Variants in IMMP2L observed in about 807,000 individuals in gnomAD.
IMMP2L encodes inner mitochondrial membrane peptidase subunit 2, also known as mitochondrial inner membrane protease subunit 2.
Under a neutral mutation model 19.3 loss-of-function variants are expected in IMMP2L, and 18 were observed. That is an observed-to-expected ratio of 0.93 (90% CI 0.64 to 1.38). IMMP2L has a LOEUF of 1.38. Ranked by LOEUF, IMMP2L falls within the 40% of genes most tolerant of loss-of-function variation. The pLI is 0.00. For missense variants in IMMP2L, 233 were observed against 218.2 expected, an observed-to-expected ratio of 1.07 and a Z score of -0.43; for synonymous variants, 76 against 73.0, an observed-to-expected ratio of 1.04 and a Z score of -0.21.
intron 3 of IMMP2L, among the ~76,000 whole-genome samples, chr7:110,981,612 A>G (rs550531011): frequency 6.6e-6 from 1 of 152,268 alleles, no homozygotes; most frequent in East Asian, 1.9e-4. Flanking sequence ...TGAGAGTTGA[A>G]GTGACTCCTT....
chr7:110,814,274 T>G (rs1291853008), intron 5 of IMMP2L, among the ~76,000 whole-genome samples: 2 of 151,918 alleles, frequency 1.3e-5, no homozygotes, highest in African/African-American at 4.8e-5. Flanking sequence ...CATTTTAAGG[T>G]AGCAAAATCA....
At chr7:110,901,342 G>A (rs1191820226) in intron 4 of IMMP2L, among the ~76,000 whole-genome samples, 3 of 152,098 alleles carry the variant, frequency 2.0e-5, no homozygotes, top group Non-Finnish European at 4.4e-5. Context: ...CATTGAATGA[G>A]TATGGATTCT....
intron 3 of IMMP2L, among the ~76,000 whole-genome samples, chr7:111,168,887 C>T (rs932468453): frequency 2.0e-5 from 3 of 151,732 alleles, no homozygotes; most frequent in Non-Finnish European, 4.4e-5. Context: ...GAAAGTACTA[C>T]AAACCGGGTG....
intron 2 of IMMP2L, among the ~76,000 whole-genome samples, chr7:111,499,849 C>G (rs760885801): frequency 6.6e-6 from 1 of 152,126 alleles, no homozygotes; most frequent in African/African-American, 2.4e-5. Flanking sequence ...CAAATAGGAA[C>G]AGCTCTGGTC....
chr7:111,196,804 C>T (rs1010788476), intron 3 of IMMP2L, among the ~76,000 whole-genome samples: 68 of 152,206 alleles, frequency 4.5e-4, no homozygotes, highest in African/African-American at 1.6e-3. Context: ...AAGATCTTTA[C>T]GTAAACGCTC....
In IMMP2L at chr7:111,495,964, C is replaced by G. The variant is rs1345319757; in HGVS notation, c.136-8623G>C. The stretch of plus-strand genomic sequence containing the variant: ...TGCAGCCACAAGGACCCAACAGTAG[C>G]CCTCAGACTTCTTTTGAAGAACCAT... On this transcript the variant is annotated intron_variant, in intron 2 of 5. Transcript: ENST00000405709. 5.3e-5 allele frequency among the ~76,000 whole-genome samples: 8 copies of G among 152,098 alleles called. No individual in the cohort carries two copies. In the East Asian group the frequency reaches 1.5e-3, roughly 29 times the overall value.
At chr7:111,199,796 C>T (rs1809910927) in intron 3 of IMMP2L, among the ~76,000 whole-genome samples, 1 of 152,086 alleles carries the variant, frequency 6.6e-6, no homozygotes, top group South Asian at 2.1e-4. Context: ...AACCTCATTT[C>T]AGTAGATGTC....
chr7:111,275,315 A>G (rs1818903665), intron 3 of IMMP2L, among the ~76,000 whole-genome samples: 1 of 152,202 alleles, frequency 6.6e-6, no homozygotes, highest in African/African-American at 2.4e-5. Context: ...TTCTACCAAC[A>G]AACTCAAATA....
intron 3 of IMMP2L, among the ~76,000 whole-genome samples, chr7:111,087,814 C>T (rs1286954645): frequency 6.6e-6 from 1 of 152,040 alleles, no homozygotes; most frequent in African/African-American, 2.4e-5. Context: ...AAACAATGAC[C>T]ATGATAACAA....
intron 5 of IMMP2L, among the ~76,000 whole-genome samples, chr7:110,718,402 A>G (rs1795361121): frequency 6.6e-6 from 1 of 152,212 alleles, no homozygotes; most frequent in Admixed American, 6.5e-5. Flanking sequence ...GAAAAGAGCT[A>G]CTGCTATCCA....
chr7:111,002,590 GGGATAT>G (rs1823828065), intron 3 of IMMP2L, among the ~76,000 whole-genome samples: 1 of 152,050 alleles, frequency 6.6e-6, no homozygotes, highest in Non-Finnish European at 1.5e-5. Context: ...GTTATGGGAT[GGGATAT>G]GAAGAGACTA....
In IMMP2L at chr7:110,727,812, C is replaced by T. The variant is rs1012602400; in HGVS notation, c.409-64091G>A. On this transcript the variant is annotated intron_variant, in intron 5 of 5. Coordinates refer to ENST00000405709, the MANE Select transcript of IMMP2L (RefSeq NM_032549.4). This position sits in a 1 kb window ranked among gnomAD's most constrained non-coding sequence, Gnocchi z 4.3. ...GGACTTACCTGAACTTATATCAAGG[C>T]GTAAGAAAAGAATTGCTTCACCGAG... 9.9e-5 allele frequency among the ~76,000 whole-genome samples: 15 copies of T among 152,076 alleles called. No individual in the cohort carries two copies. Among genetic ancestry groups the T allele is most frequent in the Admixed American group, 3.3e-4 (5 of 15,266 alleles).
At chr7:111,223,961 A>G (rs1405554432) in intron 3 of IMMP2L, among the ~76,000 whole-genome samples, 1 of 152,162 alleles carries the variant, frequency 6.6e-6, no homozygotes, top group Non-Finnish European at 1.5e-5. Context: ...GACTAGGGAA[A>G]AAATATGGAA....
intron 4 of IMMP2L, chr7:110,962,725 C>A (rs1819092165): frequency 6.8e-6 from 7 of 1,023,984 alleles, no homozygotes; most frequent in Non-Finnish European, 7.0e-6. Flanking sequence ...GACTGAGGTT[C>A]ATTTCAGTGA....
At chr7:111,035,398 G>T (rs1791237044) in intron 3 of IMMP2L, among the ~76,000 whole-genome samples, 1 of 152,108 alleles carries the variant, frequency 6.6e-6, no homozygotes, top group Non-Finnish European at 1.5e-5. Flanking sequence ...CACAAATATG[G>T]ACAACATAAC....
intron 3 of IMMP2L, among the ~76,000 whole-genome samples, chr7:111,437,418 A>C (rs7783333): frequency 0.023 from 3,427 of 151,950 alleles, 232 homozygotes; most frequent in African/African-American, 0.079. Context: ...TGCCCCACAG[A>C]CTGGGCAACA....
intron 3 of IMMP2L, among the ~76,000 whole-genome samples, chr7:111,105,820 G>T (rs1798488742): frequency 6.6e-6 from 1 of 151,828 alleles, no homozygotes; most frequent in South Asian, 2.1e-4. Context: ...CTAGTCACAT[G>T]AATGTGATAG....
At chr7:111,104,644 T>C (rs1324113563) in intron 3 of IMMP2L, among the ~76,000 whole-genome samples, 1 of 151,846 alleles carries the variant, frequency 6.6e-6, no homozygotes, top group East Asian at 1.9e-4. Context: ...GGGGAGCAAA[T>C]GCTAAAGAAA....
intron 3 of IMMP2L, among the ~76,000 whole-genome samples, chr7:111,059,396 A>G (rs1793806619): frequency 6.6e-6 from 1 of 152,232 alleles, no homozygotes; most frequent in Non-Finnish European, 1.5e-5. Context: ...TTCTCTATCC[A>G]CATATAGGAT....
Sources: allele counts gnomAD v4.1 joint callset (sites outside exome capture counted in the v4.1 genomes callset), GRCh38; gene constraint gnomAD v4.1.1; non-coding constraint Gnocchi (gnomAD v3.1); transcripts MANE v1.5; gene names NCBI Gene and HGNC (gene_info 2026-07-23, HGNC 2026-07-21).